Variants in MROH9 observed in about 807,000 individuals in gnomAD.
MROH9 encodes the protein maestro heat-like repeat-containing protein family member 9.
MROH9 carries 92 observed loss-of-function variants against 98.2 expected under a neutral mutation model. The observed-to-expected ratio is 0.94, with a 90% CI of 0.79 to 1.11. The LOEUF (loss-of-function observed/expected upper bound fraction) is 1.11, where lower values mean the gene tolerates loss of function less well. Ranked by LOEUF, MROH9 falls within the 50% of genes most tolerant of loss-of-function variation. The probability of loss-of-function intolerance (pLI) is 0.00; values close to 1 mark genes in which losing one functional copy is unlikely to be tolerated. For missense variants in MROH9, 1,057 were observed against 1,014.8 expected (o/e 1.04, Z -0.57); for synonymous variants, 397 against 368.9 (o/e 1.08, Z -0.87).
At chr1:171,032,961 AG>A (rs1387290240) in intron 20 of MROH9, among the ~76,000 whole-genome samples, 1 of 152,150 alleles carries the variant, frequency 6.6e-6, no homozygotes, top group African/African-American at 2.4e-5. Flanking sequence ...TCTGTCCCTG[AG>A]CCCCTGGCTG....
At position 170,992,223 on chromosome 1, in the gene MROH9, T is replaced by C. The variant is rs751559391; in HGVS notation, c.1088T>C (p.Leu363Pro). The C allele has an allele frequency of 6.2e-7, 1 of 1,613,508 alleles. No individual in the cohort carries two copies. The highest frequency in any genetic ancestry group is 2.2e-5 in the East Asian group (1 of 44,850). Residue 363 changes from leucine (L) to proline (P), a missense_variant, in exon 12 of 22, where the codon CTG (leucine) becomes CCG (proline). Leu to Pro is a moderately conservative substitution (Grantham distance 98). Coordinates refer to ENST00000367759, the MANE Select transcript of MROH9 (RefSeq NM_001163629.2). ...CSQASVAPHV[L>P]KTILLILKGK... ...CAGGCGAGCGTGGCCCCTCACGTGC[T>C]GAAGACAATCTTATTGATACTGAAA...
At chr1:170,952,322 T>G (rs1176268180) in intron 3 of MROH9, among the ~76,000 whole-genome samples, 1 of 152,142 alleles carries the variant, frequency 6.6e-6, no homozygotes, top group Non-Finnish European at 1.5e-5. Flanking sequence ...GTGGCACTAT[T>G]CACAATAGCA....
intron 3 of MROH9, among the ~76,000 whole-genome samples, chr1:170,949,856 A>C (rs921758960): frequency 1.2e-4 from 19 of 152,164 alleles, no homozygotes; most frequent in African/African-American, 4.6e-4. Context: ...AGCCACCTAC[A>C]ACCCCAGAGA....
chr1:170,954,198 G>T (rs56894374), intron 3 of MROH9, among the ~76,000 whole-genome samples: 2,240 of 151,998 alleles, frequency 0.015, 74 homozygotes, highest in African/African-American at 0.052. Context: ...CAATCCAACT[G>T]CTCCAGCCAT....
chr1:170,985,216 A>T (rs764774930), intron 9 of MROH9, among the ~76,000 whole-genome samples: 1 of 152,202 alleles, frequency 6.6e-6, no homozygotes, highest in Non-Finnish European at 1.5e-5. Context: ...ATAACTCAAA[A>T]TGGCACCATT....
At chr1:171,031,839 G>A (rs1005847228) in intron 20 of MROH9, among the ~76,000 whole-genome samples, 2 of 152,160 alleles carry the variant, frequency 1.3e-5, no homozygotes, top group African/African-American at 4.8e-5. Flanking sequence ...GCTAGGTTGG[G>A]AAAGTCCTCC....
At chr1:170,967,171 G>A (rs984268553) in intron 7 of MROH9, among the ~76,000 whole-genome samples, 6 of 152,102 alleles carry the variant, frequency 3.9e-5, no homozygotes, top group Non-Finnish European at 8.8e-5. Context: ...AGAGTTCCTA[G>A]CTATAACTCA....
At chr1:170,963,657 A>G (rs1185026403) in intron 6 of MROH9, among the ~76,000 whole-genome samples, 1 of 152,160 alleles carries the variant, frequency 6.6e-6, no homozygotes, top group East Asian at 1.9e-4. Flanking sequence ...CAGCCATACA[A>G]AAGAATAAGA....
Position 171,058,252 on chromosome 1 carries a change from A to G in MROH9, c.2282-3880A>G, listed in dbSNP as rs148127014. 1.5e-3 allele frequency among the ~76,000 whole-genome samples: 221 copies of G among 151,872 alleles called. 1 individual carries two copies. Among genetic ancestry groups the G allele is most frequent in the African/African-American group, 5.1e-3 (212 of 41,478 alleles). ...ATCCCCATTCACAATCACTACAAAG[A>G]GAATAAAATACCTTGGAATACAGCT... On this transcript the variant is annotated intron_variant, in intron 20 of 21. Transcript: ENST00000367759.
rs1654098585 is a variant in MROH9 at position 171,064,174 on chromosome 1, A to G, written c.2420A>G (p.Lys807Arg). 1 of 1,551,316 alleles carries G rather than the reference A, an allele frequency of 6.4e-7. No homozygotes were observed. Among genetic ancestry groups the G allele is most frequent in the South Asian group, 1.2e-5 (1 of 83,974 alleles). ...LAEITYDIFKKKAHKLTSAPL... is the reference protein window; with the variant it reads ...LAEITYDIFKRKAHKLTSAPL... Reference sequence around the variant, plus strand: ...GAAATAACCTATGATATTTTTAAGAAAAAAGCCCATAAACTGACCTCTGCA... The same window carrying G: ...GAAATAACCTATGATATTTTTAAGAGAAAAGCCCATAAACTGACCTCTGCA... The change falls in exon 22 of 22, where the codon AAA (lysine) becomes AGA (arginine). Residue 807 changes from lysine (K) to arginine (R), a missense_variant. Physicochemically the swap from Lys to Arg is conservative, Grantham distance 26. Transcript: ENST00000367759.
chr1:171,037,132 C>T (rs1269566929), intron 20 of MROH9, among the ~76,000 whole-genome samples: 1 of 151,336 alleles, frequency 6.6e-6, no homozygotes, highest in Non-Finnish European at 1.5e-5. Context: ...TTATGCTAAT[C>T]TCAAAGCAAC....
At chr1:171,060,421 T>A (rs559758417) in intron 20 of MROH9, among the ~76,000 whole-genome samples, 38 of 152,328 alleles carry the variant, frequency 2.5e-4, no homozygotes, top group Admixed American at 3.3e-4. Context: ...TGGGTGTGTG[T>A]ATGAAATGTG....
At chr1:170,982,567 A>G (rs1650976538) in intron 8 of MROH9, among the ~76,000 whole-genome samples, 1 of 152,096 alleles carries the variant, frequency 6.6e-6, no homozygotes, top group South Asian at 2.1e-4. Flanking sequence ...GTATAGATAC[A>G]CAAAAACTTG....
At position 171,016,181 on chromosome 1, in the gene MROH9, A is replaced by G. The variant is rs1006332266; in HGVS notation, c.1753A>G (p.Ile585Val). Residue 585 changes from isoleucine (I) to valine (V), a missense_variant, in exon 17 of 22, where the codon ATA becomes GTA. Physicochemically the swap from Ile to Val is conservative, Grantham distance 29. Coordinates refer to ENST00000367759, the MANE Select transcript of MROH9 (RefSeq NM_001163629.2). ...IINKTENVSS[I>V]LIAILDAFLS... The stretch of plus-strand genomic sequence containing the variant: ...TATGTAGACAGAAAATGTCAGCAGT[A>G]TATTAATAGCCATCCTGGATGCCTT... The G allele has an allele frequency of 4.0e-6, 6 of 1,518,176 alleles. No individual in the cohort carries two copies. The South Asian group carries it at 5.2e-5, about 13-fold the overall frequency. 94.0% of individuals were successfully genotyped at this position (1,518,176 alleles called of 1,614,324 possible).
chr1:170,948,473 T>C (rs1243673545), intron 3 of MROH9, among the ~76,000 whole-genome samples: 1 of 152,056 alleles, frequency 6.6e-6, no homozygotes, highest in Admixed American at 6.6e-5. Flanking sequence ...TTCCCATTTG[T>C]ATAGTCCATA....
At chr1:170,965,758 C>A (rs182187064) in intron 7 of MROH9, among the ~76,000 whole-genome samples, 1 of 152,180 alleles carries the variant, frequency 6.6e-6, no homozygotes, top group Admixed American at 6.6e-5. Context: ...CCTAACAAAC[C>A]ACTTTCAATG....
chr1:170,958,025 G>A (rs1436420882), intron 3 of MROH9, among the ~76,000 whole-genome samples: 1 of 152,066 alleles, frequency 6.6e-6, no homozygotes, highest in African/African-American at 2.4e-5. Context: ...TAGCCAGGAT[G>A]GTCTCGATCT....
rs559828066 is a variant in MROH9 at position 170,974,332 on chromosome 1, A to G, written c.616+2449A>G. 3.3e-5 allele frequency among the ~76,000 whole-genome samples: 5 copies of G among 152,266 alleles called. No individual in the cohort carries two copies. The Middle Eastern group carries it at 0.01, about 311-fold the overall frequency. On this transcript the variant is annotated intron_variant, in intron 8 of 21. Coordinates refer to ENST00000367759, the MANE Select transcript of MROH9 (RefSeq NM_001163629.2). ...CTGAAAAGCTCAGCAGAGAACAAGAAATGTGAAGAAAAGAACATCAAGGCA... is the reference window on the plus strand; with the variant it reads ...CTGAAAAGCTCAGCAGAGAACAAGAGATGTGAAGAAAAGAACATCAAGGCA...
chr1:170,998,245 A>G lies in MROH9; in HGVS notation c.1567A>G (p.Thr523Ala), dbSNP rs750160490. ...AGAAGGTCCTAGAAGGTCAGAAGAC[A>G]CTGTCATCGTATTAATATTCCTCAC... ...SVEGPRRSED[T>A]VIVLIFLTEL... is the part of the protein sequence containing the mutation. Residue 523 changes from threonine (T) to alanine (A), a missense_variant, in exon 15 of 22, where the codon ACT becomes GCT. Coordinates refer to ENST00000367759, the MANE Select transcript of MROH9 (RefSeq NM_001163629.2). 6.2e-7 allele frequency: 1 copy of G among 1,613,488 alleles called. No individual in the cohort carries two copies. Among genetic ancestry groups the G allele is most frequent in the South Asian group, 1.1e-5 (1 of 91,060 alleles).
Sources: gnomAD v4.1 joint callset for allele counts (sites outside exome capture counted in the v4.1 genomes callset) on GRCh38, gnomAD v4.1.1 for gene constraint, MANE v1.5 for transcripts, NCBI Gene and HGNC (gene_info 2026-07-23, HGNC 2026-07-21) for gene names.